Variants in RBFOX1 observed in about 807,000 individuals in gnomAD.
RBFOX1 encodes the protein RNA binding fox-1 homolog 1, also known as RNA binding protein fox-1 homolog 1.
RBFOX1 carries 8 observed loss-of-function variants against 57.7 expected under a neutral mutation model. The ratio of observed to expected loss-of-function variants is 0.14; its 90% confidence interval spans 0.08 to 0.25. The LOEUF (loss-of-function observed/expected upper bound fraction) is 0.25. Ranked by LOEUF, RBFOX1 falls within the 10% of genes least tolerant of loss-of-function variation. The pLI is 1.00. For missense variants in RBFOX1, 611 were observed against 548.5 expected (o/e 1.11, Z -1.14); for synonymous variants, 326 against 222.4 (o/e 1.47, Z -4.15).
At chr16:7,070,449 T>C (rs1319415348) in intron 4 of RBFOX1, among the ~76,000 whole-genome samples, 1 of 152,224 alleles carries the variant, frequency 6.6e-6, no homozygotes, top group African/African-American at 2.4e-5. Flanking sequence ...TTAAATATTT[T>C]TGGCAATTTT....
chr16:5,517,115 C>T (rs1567183352), intron 2 of RBFOX1, among the ~76,000 whole-genome samples: 1 of 151,840 alleles, frequency 6.6e-6, no homozygotes, highest in Non-Finnish European at 1.5e-5. Flanking sequence ...TAGTAAGAAG[C>T]AAGTGGATGG....
chr16:6,483,178 C>A (rs2095401313), intron 2 of RBFOX1: 1 of 1,129,582 alleles, frequency 8.9e-7, no homozygotes. Context: ...ATTTGGCGAG[C>A]GTTTTGGCGC....
At chr16:5,425,891 C>G (rs1389038951) in intron 1 of RBFOX1, among the ~76,000 whole-genome samples, 2 of 152,292 alleles carry the variant, frequency 1.3e-5, no homozygotes, top group Middle Eastern at 3.4e-3. Context: ...AACGTCAAAT[C>G]CTATGTCTGC....
intron 1 of RBFOX1, among the ~76,000 whole-genome samples, chr16:6,088,894 A>G (rs1304471628): frequency 6.6e-6 from 1 of 151,988 alleles, no homozygotes; most frequent in Middle Eastern, 3.2e-3. Flanking sequence ...CAGGAGATCA[A>G]TACCATCCTC....
At chr16:5,879,052 C>A (rs1484248859) in intron 4 of RBFOX1, among the ~76,000 whole-genome samples, 3 of 152,216 alleles carry the variant, frequency 2.0e-5, no homozygotes, top group Non-Finnish European at 4.4e-5. Flanking sequence ...GGTCCTGTAG[C>A]CCCCTCCTTA....
intron 4 of RBFOX1, among the ~76,000 whole-genome samples, chr16:7,199,471 G>C (rs12709186): frequency 1.3e-5 from 2 of 151,988 alleles, no homozygotes; most frequent in Admixed American, 1.3e-4. Context: ...GGCAGCGTAC[G>C]CCTGAAGGTT....
At chr16:7,086,324 A>T (rs1276063452) in intron 4 of RBFOX1, among the ~76,000 whole-genome samples, 2 of 152,194 alleles carry the variant, frequency 1.3e-5, no homozygotes, top group Non-Finnish European at 2.9e-5. Flanking sequence ...ACTAATGGTC[A>T]AAACTCAGAC....
chr16:7,692,151 T>G lies in RBFOX1; in HGVS notation c.995+15313T>G, dbSNP rs144765023. Among the ~76,000 whole-genome samples the G allele has an allele frequency of 4.1e-3, 626 of 152,332 alleles. 3 individuals are homozygous for G. Among genetic ancestry groups the G allele is most frequent in the Non-Finnish European group, 7.0e-3 (476 of 68,024 alleles). ...TGTCAAAAAGCCCAAAATCTTATGT[T>G]AACTTTTATTGTCTTAAGGAAAGTG... On this transcript the variant is annotated intron_variant, in intron 14 of 15. Transcript: ENST00000550418.
intron 1 of RBFOX1, among the ~76,000 whole-genome samples, chr16:6,279,893 AT>A (rs747843169): frequency 1.0e-4 from 15 of 149,214 alleles, no homozygotes; most frequent in African/African-American, 1.5e-4. Context: ...CTAGGTGAGG[AT>A]TTTTTTTTTA....
chr16:7,657,547 C>T (rs1335857389), intron 12 of RBFOX1, among the ~76,000 whole-genome samples: 5 of 152,194 alleles, frequency 3.3e-5, no homozygotes, highest in East Asian at 1.9e-4. Context: ...TCAGGTGATC[C>T]GCCCATCTGG....
At chr16:6,843,365 C>G (rs7499352) in intron 3 of RBFOX1, among the ~76,000 whole-genome samples, 34,003 of 151,820 alleles carry the variant, frequency 0.22, 4,013 homozygotes, top group Non-Finnish European at 0.25. Context: ...AAATTCCTTA[C>G]TTTTTGTATA....
intron 2 of RBFOX1, among the ~76,000 whole-genome samples, chr16:6,517,242 G>T (rs764214215): frequency 1.3e-5 from 2 of 152,044 alleles, no homozygotes; most frequent in South Asian, 4.2e-4. Context: ...TGAACAGCTC[G>T]CATTTTGACA....
intron 1 of RBFOX1, among the ~76,000 whole-genome samples, chr16:5,414,707 C>T (rs1321058474): frequency 6.6e-6 from 1 of 152,214 alleles, no homozygotes; most frequent in African/African-American, 2.4e-5. Context: ...TCAAAATGAC[C>T]TCTGGCCACT....
chr16:6,414,404 C>T (rs1434060633), intron 2 of RBFOX1, among the ~76,000 whole-genome samples: 1 of 152,228 alleles, frequency 6.6e-6, no homozygotes, highest in African/African-American at 2.4e-5. Flanking sequence ...GTGTTGTCTA[C>T]TCTGCCCCAG....
chr16:5,755,376 G>A (rs1308213751), intron 3 of RBFOX1, among the ~76,000 whole-genome samples: 1 of 152,164 alleles, frequency 6.6e-6, no homozygotes, highest in African/African-American at 2.4e-5. Flanking sequence ...CTGAGTGAGG[G>A]ACAGATTGGG....
chr16:6,371,003 T>A (rs1358341621), intron 2 of RBFOX1, among the ~76,000 whole-genome samples: 1 of 152,122 alleles, frequency 6.6e-6, no homozygotes, highest in African/African-American at 2.4e-5. Flanking sequence ...GGGGTGTGCA[T>A]TTTTGCCAGG....
At chr16:5,781,598 A>G (rs1479880646) in intron 3 of RBFOX1, among the ~76,000 whole-genome samples, 1 of 152,250 alleles carries the variant, frequency 6.6e-6, no homozygotes, top group Non-Finnish European at 1.5e-5. Context: ...CGCCGCAACC[A>G]TCAACTGTCT....
chr16:5,975,888 A>T (rs2060052022), intron 4 of RBFOX1, among the ~76,000 whole-genome samples: 1 of 152,188 alleles, frequency 6.6e-6, no homozygotes, highest in Admixed American at 6.5e-5. Flanking sequence ...GCTCATTCCT[A>T]TAATCCCAGT....
At chr16:7,574,032 C>G (rs2093061802) in intron 5 of RBFOX1, among the ~76,000 whole-genome samples, 1 of 152,136 alleles carries the variant, frequency 6.6e-6, no homozygotes, top group South Asian at 2.1e-4. Context: ...GAATTACACA[C>G]TATGCTTTTG....
Sources: allele counts gnomAD v4.1 joint callset (sites outside exome capture counted in the v4.1 genomes callset), GRCh38; gene constraint gnomAD v4.1.1; transcripts MANE v1.5; gene names NCBI Gene and HGNC (gene_info 2026-07-23, HGNC 2026-07-21).